The following MRE11 variants were observed in gnomAD, a reference collection of about 807,000 sequenced individuals.
MRE11 encodes the protein MRE11 double strand break repair nuclease.
A neutral mutation model predicts 91.7 loss-of-function variants in MRE11; 62 were observed. The observed-to-expected ratio is 0.68, with a 90% CI of 0.55 to 0.84. The LOEUF is 0.84. Among genes scored for constraint, MRE11 ranks in the 40% least tolerant of loss-of-function variants. The pLI, the probability that MRE11 is intolerant of heterozygous loss-of-function variation, is 0.00. For missense variants in MRE11, 796 were observed against 852.9 expected (o/e 0.93, Z 0.83); for synonymous variants, 273 against 271.4 (o/e 1.01, Z -0.06).
At chr11:94,421,260 CATTAAAAGAA>C (rs13447734) in intron 19 of MRE11, among the ~76,000 whole-genome samples, 2,837 of 152,132 alleles carry the variant, frequency 0.019, 96 homozygotes, top group African/African-American at 0.065. Context: ...GTGTTTAAGA[CATTAAAAGAA>C]ATTAAAAGAA....
intron 19 of MRE11, among the ~76,000 whole-genome samples, chr11:94,420,827 T>C (rs917407891): frequency 3.3e-5 from 5 of 152,106 alleles, no homozygotes; most frequent in Non-Finnish European, 7.4e-5. Context: ...GGTCAGGAGA[T>C]CGAGACCATC....
intron 13 of MRE11, among the ~76,000 whole-genome samples, chr11:94,458,953 T>C (rs929096475): frequency 6.6e-6 from 1 of 152,224 alleles, no homozygotes; most frequent in Non-Finnish European, 1.5e-5. Flanking sequence ...GTCAATATCT[T>C]TTAATTTTGT....
At chr11:94,446,066 C>G (rs544229624) in intron 15 of MRE11, among the ~76,000 whole-genome samples, 173 bp from the exon 16 acceptor site, 1 of 152,160 alleles carries the variant, frequency 6.6e-6, no homozygotes, top group Admixed American at 6.5e-5. Context: ...AGAGACTATT[C>G]TTTTAGGCCA....
chr11:94,443,309 G>T (rs1945836877), intron 16 of MRE11, among the ~76,000 whole-genome samples: 1 of 152,168 alleles, frequency 6.6e-6, no homozygotes, highest in African/African-American at 2.4e-5. Context: ...CAGAGAATGT[G>T]AGATCATTCC....
chr11:94,491,899 A>G (rs1947293266), intron 2 of MRE11, among the ~76,000 whole-genome samples: 1 of 150,244 alleles, frequency 6.7e-6, no homozygotes, highest in Admixed American at 6.6e-5. Context: ...TAGGTCAGAT[A>G]CTTTTCAAAT....
chr11:94,506,585 C>CTTTTT, the MRE11 span, among the ~76,000 whole-genome samples: 1 of 147,186 alleles, frequency 6.8e-6, no homozygotes, highest in African/African-American at 2.6e-5. Flanking sequence ...ACAGTAATTG[C>CTTTTT]TTTTTTTGTT....
At chr11:94,438,010 C>G (rs377619189) in intron 16 of MRE11, among the ~76,000 whole-genome samples, 2 of 152,166 alleles carry the variant, frequency 1.3e-5, no homozygotes, top group African/African-American at 4.8e-5. Context: ...TGCCTGTAAT[C>G]CCAGCTACTT....
chr11:94,440,386 A>G (rs1565208370), intron 16 of MRE11, among the ~76,000 whole-genome samples: 1 of 151,896 alleles, frequency 6.6e-6, no homozygotes, highest in African/African-American at 2.4e-5. Flanking sequence ...TTGTCTTCAA[A>G]CTCACTTCTG....
chr11:94,435,152 T>G (rs1317607137), intron 18 of MRE11, among the ~76,000 whole-genome samples: 1 of 152,180 alleles, frequency 6.6e-6, no homozygotes, highest in African/African-American at 2.4e-5. Context: ...TACAGTACCA[T>G]GTGTAGTTAA....
At chr11:94,462,590 C>T (rs992900342) in intron 11 of MRE11, among the ~76,000 whole-genome samples, 4 of 152,092 alleles carry the variant, frequency 2.6e-5, no homozygotes, top group Non-Finnish European at 5.9e-5. Flanking sequence ...AGATATAGAC[C>T]AACGGAACAG....
chr11:94,452,317 A>T (rs1324812963), intron 14 of MRE11, among the ~76,000 whole-genome samples: 1 of 151,488 alleles, frequency 6.6e-6, no homozygotes, highest in Non-Finnish European at 1.5e-5. Context: ...AATTAGGCAG[A>T]CTCATTAGTA....
At chr11:94,420,788 T>A (rs1463360064) in intron 19 of MRE11, among the ~76,000 whole-genome samples, 1 of 152,048 alleles carries the variant, frequency 6.6e-6, no homozygotes, top group Non-Finnish European at 1.5e-5. Flanking sequence ...ATCCCAGCAC[T>A]TTGGAAGGCC....
At chr11:94,495,380 G>A (rs1200211011), upstream of MRE11, among the ~76,000 whole-genome samples, 1 of 152,114 alleles carries the variant, frequency 6.6e-6, no homozygotes, top group Non-Finnish European at 1.5e-5. Context: ...GTTAAATGTG[G>A]TCCTTATCTT....
intron 19 of MRE11, among the ~76,000 whole-genome samples, chr11:94,426,033 C>G (rs1368815864): frequency 6.6e-6 from 1 of 150,652 alleles, no homozygotes; most frequent in Non-Finnish European, 1.5e-5. Flanking sequence ...CAAATTCTTC[C>G]CATCTACACA....
the MRE11 span, among the ~76,000 whole-genome samples, chr11:94,499,796 T>G: frequency 6.6e-6 from 1 of 152,174 alleles, no homozygotes; most frequent in Non-Finnish European, 1.5e-5. Context: ...TGCTCTTTAC[T>G]TCAGTTAAAT....
the MRE11 span, among the ~76,000 whole-genome samples, chr11:94,506,112 T>C: frequency 4.6e-5 from 7 of 152,126 alleles, no homozygotes; most frequent in Non-Finnish European, 1.5e-5. Context: ...GACACATGAC[T>C]GTAATTGAAA....
At chr11:94,495,629 G>T (rs1947407128), upstream of MRE11, among the ~76,000 whole-genome samples, 1 of 152,092 alleles carries the variant, frequency 6.6e-6, no homozygotes, top group Non-Finnish European at 1.5e-5. Context: ...ATTGATTAAG[G>T]TTTATATGTT....
At chr11:94,423,778 A>C (rs1387369905) in intron 19 of MRE11, among the ~76,000 whole-genome samples, 2 of 152,212 alleles carry the variant, frequency 1.3e-5, no homozygotes, top group African/African-American at 4.8e-5. Context: ...CAGACGATGG[A>C]GCCACAGGCT....
chr11:94,430,598 G>GC (rs1019887643), intron 18 of MRE11, among the ~76,000 whole-genome samples: 1 of 151,412 alleles, frequency 6.6e-6, no homozygotes, highest in Non-Finnish European at 1.5e-5. Flanking sequence ...TCCTGCATCA[G>GC]CCCCCTCAGC....
Sources: gnomAD v4.1 joint callset for allele counts (sites outside exome capture counted in the v4.1 genomes callset) on GRCh38, gnomAD v4.1.1 for gene constraint, MANE v1.5 for transcripts, NCBI Gene and HGNC (gene_info 2026-07-23, HGNC 2026-07-21) for gene names.